BMP2: variants seen among roughly 807,000 people sequenced by gnomAD.
The protein encoded by BMP2 is bone morphogenetic protein 2A.
In BMP2, 2 loss-of-function variants were observed where a neutral mutation model predicts 28.8. The observed-to-expected ratio is 0.07, with a 90% CI of 0.03 to 0.22. BMP2 has a LOEUF of 0.22. Ranked by LOEUF, BMP2 falls within the 10% of genes least tolerant of loss-of-function variation. The pLI is 1.00. For missense variants in BMP2, 437 were observed against 517.7 expected, an observed-to-expected ratio of 0.84 and a Z score of 1.51; for synonymous variants, 218 against 204.3, an observed-to-expected ratio of 1.07 and a Z score of -0.57.
At chr20:6,773,749 G>C (rs1038817058) in intron 2 of BMP2, among the ~76,000 whole-genome samples, 1 of 151,372 alleles carries the variant, frequency 6.6e-6, no homozygotes, top group African/African-American at 2.4e-5. Flanking sequence ...TTTTCTCCTT[G>C]ATCAGTTGTC....
chr20:6,770,249 C>A lies in BMP2; in HGVS notation c.123C>A (p.Pro41=), dbSNP rs778080614. The change falls in exon 2 of 3, where the codon CCC becomes CCA. Residue 41 remains proline (P), a synonymous_variant. Coordinates refer to ENST00000378827, the MANE Select transcript of BMP2 (RefSeq NM_001200.4). The part of the protein sequence containing the change: ...RKFAAASSGR[P]SSQPSDEVLS... ...TCGCGGCGGCGTCGTCGGGCCGCCC[C>A]TCATCCCAGCCCTCTGACGAGGTCC... The A allele has an allele frequency of 3.7e-6, 6 of 1,609,724 alleles. No homozygotes were observed. The highest frequency in any genetic ancestry group is 5.1e-6 in the Non-Finnish European group (6 of 1,178,376).
chr20:6,769,948 A>G (rs1208319614), intron 1 of BMP2, among the ~76,000 whole-genome samples, 172 bp from the exon 2 acceptor site: 2 of 152,092 alleles, frequency 1.3e-5, no homozygotes, highest in Non-Finnish European at 2.9e-5. Flanking sequence ...GGGACCCTTC[A>G]TTATCCCAAA....
chr20:6,776,264 A>G (rs1986498831), intron 2 of BMP2, among the ~76,000 whole-genome samples: 1 of 152,098 alleles, frequency 6.6e-6, no homozygotes, highest in Non-Finnish European at 1.5e-5. Flanking sequence ...GGATCCTGAA[A>G]GGTATTCCCC....
intron 2 of BMP2, among the ~76,000 whole-genome samples, chr20:6,771,408 G>A (rs906818708): frequency 3.3e-5 from 5 of 152,182 alleles, no homozygotes; most frequent in African/African-American, 1.2e-4. Flanking sequence ...TTAAAATAGA[G>A]CATGGGTTTC....
intron 2 of BMP2, among the ~76,000 whole-genome samples, chr20:6,775,831 G>A (rs1370349704): frequency 6.6e-6 from 1 of 152,122 alleles, no homozygotes; most frequent in Non-Finnish European, 1.5e-5. Context: ...GTGTGAGAAT[G>A]TATGTTTCTT....
At chr20:6,769,277 C>G (rs1986334831) in intron 1 of BMP2, among the ~76,000 whole-genome samples, 1 of 152,126 alleles carries the variant, frequency 6.6e-6, no homozygotes. Flanking sequence ...CTCCATTCTT[C>G]AAGTGTTTCC....
intron 2 of BMP2, among the ~76,000 whole-genome samples, chr20:6,773,460 A>G (rs1188128027): frequency 6.6e-6 from 1 of 152,200 alleles, no homozygotes; most frequent in Non-Finnish European, 1.5e-5. Flanking sequence ...CTTCCTTGGC[A>G]CTGACATTTT....
intron 1 of BMP2, among the ~76,000 whole-genome samples, chr20:6,769,610 A>AGGGTGTGTGTGTGTGTGT (rs1555785671): frequency 3.9e-5 from 2 of 50,674 alleles, no homozygotes; most frequent in South Asian, 8.3e-4. Flanking sequence ...GGAAGCTATA[A>AGGGTGTGTGTGTGTGTGT]GGGTGTGTGT....
At chr20:6,770,530 G>A (rs1394802848) in intron 2 of BMP2, 58 bp downstream of exon 2, 2 of 1,495,392 alleles carry the variant, frequency 1.3e-6, no homozygotes, top group South Asian at 1.3e-5. Context: ...CCTCCACCGT[G>A]GGCAGACTGC....
chr20:6,779,967 TGTG>T lies in BMP2; in HGVS notation c.*881_*883del, dbSNP rs1487516804. 1 of 152,616 alleles carries T rather than the reference TGTG, an allele frequency of 6.6e-6. No individual in the cohort carries two copies. Among genetic ancestry groups the T allele is most frequent in the Non-Finnish European group, 1.5e-5 (1 of 68,046 alleles). The allele number at this position is 152,616 out of a possible 1,614,324, so 9.5% of individuals were successfully genotyped here. ...CGTAAGATTTCTTCATTATTGATAT[TGTG>T]GTCATATATATTTAAAATTGATATC... On this transcript the variant is annotated 3_prime_UTR_variant, in exon 3 of 3. Coordinates refer to ENST00000378827, the MANE Select transcript of BMP2 (RefSeq NM_001200.4).
intron 1 of BMP2, 26 bp from the exon 2 acceptor site, chr20:6,770,094 G>T (rs1445614931): frequency 2.0e-6 from 3 of 1,505,234 alleles, no homozygotes; most frequent in Non-Finnish European, 2.7e-6. Flanking sequence ...GGGAACTCGG[G>T]TGACTCACGT....
rs1600168870 is a variant in BMP2 at position 6,767,971 on chromosome 20, C to G, written c.-912C>G. ...TCTGCTGCCCGGGCTGCGCCAGAGC[C>G]GCGGACGGGCGCGCAGAGCGCCGGG... On this transcript the variant is annotated 5_prime_UTR_variant, in exon 1 of 3. Coordinates refer to ENST00000378827, the MANE Select transcript of BMP2 (RefSeq NM_001200.4). The G allele has an allele frequency of 2.5e-6, 1 of 396,908 alleles. No homozygotes were observed. The allele number at this position is 396,908 out of a possible 1,614,324, so 24.6% of individuals were successfully genotyped here.
chr20:6,776,320 TG>T (rs1986500311), intron 2 of BMP2, among the ~76,000 whole-genome samples: 1 of 152,174 alleles, frequency 6.6e-6, no homozygotes, highest in Non-Finnish European at 1.5e-5. Context: ...AGGACTCTAT[TG>T]GCCTGATACT....
rs759890892 is a variant in BMP2, at chr20:6,778,230, T to TC, written c.347-14dup. 3.8e-6 allele frequency: 6 copies of TC among 1,560,622 alleles called. No homozygotes were observed. Among genetic ancestry groups the TC allele is most frequent in the Non-Finnish European group, 5.2e-6 (6 of 1,158,684 alleles). On this transcript the variant is annotated splice_polypyrimidine_tract_variant and intron_variant, in intron 2 of 2. Transcript: ENST00000378827. The surrounding 1 kb of genome is among the most constrained non-coding windows in gnomAD (Gnocchi z 5.0). ...ACTTTTCTTTTTTCTTCCCTGTTTT[T>TC]CTCTATCAAATTAGAATCTTTGGAA... is the stretch of plus-strand genomic sequence containing the variant.
intron 1 of BMP2, among the ~76,000 whole-genome samples, chr20:6,769,078 C>T (rs1023250928): frequency 1.4e-4 from 22 of 152,234 alleles, no homozygotes; most frequent in Admixed American, 1.3e-3. Context: ...CGCACTCTTC[C>T]ACCCCTCTTT....
In BMP2 at chr20:6,778,344, A is replaced by C. The variant is rs1046176789; in HGVS notation, c.446A>C (p.Glu149Ala). 5.0e-6 allele frequency: 8 copies of C among 1,614,236 alleles called. No individual in the cohort carries two copies. Among genetic ancestry groups the C allele is most frequent in the Non-Finnish European group, 5.9e-6 (7 of 1,180,040 alleles). ...ACGGAGGAGTTTATCACCTCAGCAG[A>C]GCTTCAGGTTTTCCGAGAACAGATG... is the stretch of plus-strand genomic sequence containing the variant. ...IPTEEFITSA[E>A]LQVFREQMQD... The change falls in exon 3 of 3, where the codon GAG becomes GCG. Residue 149 changes from glutamate (E) to alanine (A), a missense_variant. Glu to Ala is a moderately radical substitution (Grantham distance 107, BLOSUM62 -1). Transcript: ENST00000378827. The surrounding 1 kb of genome is among the most constrained non-coding windows in gnomAD (Gnocchi z 5.0).
At position 6,770,306 on chromosome 20, in the gene BMP2, G is replaced by T. The variant is rs752982363; in HGVS notation, c.180G>T (p.Met60Ile). 2.1e-5 allele frequency: 34 copies of T among 1,613,442 alleles called. No individual in the cohort carries two copies. The highest frequency in any genetic ancestry group is 2.9e-5 in the Non-Finnish European group (34 of 1,179,936). Reference sequence around the variant, plus strand: ...AGTTCGAGTTGCGGCTGCTCAGCATGTTCGGCCTGAAACAGAGACCCACCC... The same window carrying T: ...AGTTCGAGTTGCGGCTGCTCAGCATTTTCGGCCTGAAACAGAGACCCACCC... ...LSEFELRLLS[M>I]FGLKQRPTPS... The change falls in exon 2 of 3, where the codon ATG (methionine) becomes ATT (isoleucine). Residue 60 changes from methionine (M) to isoleucine (I), a missense_variant. Met to Ile is a conservative substitution (Grantham distance 10, BLOSUM62 1). This residue lies in a region of BMP2 where 363 missense variants were observed against 392.8 expected (regional missense o/e 0.92). Coordinates refer to ENST00000378827, the MANE Select transcript of BMP2 (RefSeq NM_001200.4).
At chr20:6,769,580 G>C (rs998898333) in intron 1 of BMP2, among the ~76,000 whole-genome samples, 1 of 150,624 alleles carries the variant, frequency 6.6e-6, no homozygotes, top group Non-Finnish European at 1.5e-5. Context: ...AGAAGTTGTG[G>C]CCTTGAGCTT....
rs1443406422 is a variant in BMP2 at position 6,778,610 on chromosome 20, G to A, written c.712G>A (p.Gly238Ser). 1 of 1,614,012 alleles carries A rather than the reference G, an allele frequency of 6.2e-7. No individual in the cohort carries two copies. The highest frequency in any genetic ancestry group is 8.5e-7 in the Non-Finnish European group (1 of 1,179,964). The change falls in exon 3 of 3, where the codon GGT becomes AGT. Residue 238 changes from glycine to serine, a missense_variant. Around this residue, in one of 2 missense-constraint regions of BMP2, gnomAD observed 363 missense variants for 392.8 expected, o/e 0.92. Transcript: ENST00000378827. The surrounding 1 kb of genome is among the most constrained non-coding windows in gnomAD (Gnocchi z 5.0). Reference sequence around the variant, plus strand: ...AGTGGCCCACTTGGAGGAGAAACAAGGTGTCTCCAAGAGACATGTTAGGAT... The same window carrying A: ...AGTGGCCCACTTGGAGGAGAAACAAAGTGTCTCCAAGAGACATGTTAGGAT... ...VEVAHLEEKQ[G>S]VSKRHVRISR...
Sources: gnomAD v4.1 joint callset for allele counts (sites outside exome capture counted in the v4.1 genomes callset) on GRCh38, gnomAD v4.1.1 for gene constraint, gnomAD v4.1.1 regional missense constraint, Gnocchi (gnomAD v3.1) non-coding constraint, MANE v1.5 for transcripts, NCBI Gene and HGNC (gene_info 2026-07-23, HGNC 2026-07-21) for gene names.